Variants in HMBOX1 observed in about 807,000 individuals in gnomAD.
The protein encoded by HMBOX1 is homeobox containing 1, also known as homeobox-containing protein 1.
In HMBOX1, 14 loss-of-function variants were observed where a neutral mutation model predicts 54.5. The ratio of observed to expected loss-of-function variants is 0.26; its 90% CI spans 0.17 to 0.40. The LOEUF (loss-of-function observed/expected upper bound fraction) is 0.40, where lower values mean the gene tolerates loss of function less well. Among genes scored for constraint, HMBOX1 ranks in the 10% least tolerant of loss-of-function variants. HMBOX1 has a pLI of 1.00. For synonymous variants in HMBOX1, 160 were observed against 181.0 expected, an observed-to-expected ratio of 0.88 and a Z score of 0.93; for missense variants, 332 against 514.4, an observed-to-expected ratio of 0.65 and a Z score of 3.43.
intron 4 of HMBOX1, among the ~76,000 whole-genome samples, chr8:29,000,158 A>T (rs1832425963): frequency 6.6e-6 from 1 of 152,220 alleles, no homozygotes; most frequent in Non-Finnish European, 1.5e-5. Context: ...TCAGCTAATT[A>T]TTAGGTAAAA....
Position 29,018,893 on chromosome 8 carries a change from G to A in HMBOX1, c.831G>A (p.Glu277=). 6.2e-7 allele frequency: 1 copy of A among 1,614,142 alleles called. No individual in the cohort carries two copies. ...GGAGTCGATTTACCTGGAGAAAGGA[G>A]TGCCTGGCTGTTATGGAAAGGTATG... is the stretch of plus-strand genomic sequence containing the variant. ...RRGSRFTWRK[E]CLAVMESYFN... is the part of the protein sequence containing the mutation. Residue 277 remains glutamate (E), a synonymous_variant, in exon 6 of 10, where the codon GAG becomes GAA. Transcript: ENST00000287701.
intron 5 of HMBOX1, among the ~76,000 whole-genome samples, chr8:29,011,180 TAAA>T (rs1834175147): frequency 6.6e-6 from 1 of 152,224 alleles, no homozygotes; most frequent in Non-Finnish European, 1.5e-5. Context: ...GGTTTTCACT[TAAA>T]AAATTCTTTC....
chr8:28,917,910 G>T (rs537496136), intron 1 of HMBOX1, among the ~76,000 whole-genome samples: 2 of 152,132 alleles, frequency 1.3e-5, no homozygotes, highest in East Asian at 3.9e-4. Flanking sequence ...CTACAGTTTT[G>T]TTGAGGATTT....
chr8:29,016,149 A>AT (rs1834962392), intron 5 of HMBOX1, among the ~76,000 whole-genome samples: 1 of 152,254 alleles, frequency 6.6e-6, no homozygotes, highest in African/African-American at 2.4e-5. Flanking sequence ...AGACTGACAA[A>AT]TTTGACTGTA....
chr8:28,946,461 T>C (rs951046907), intron 1 of HMBOX1, among the ~76,000 whole-genome samples: 1 of 151,838 alleles, frequency 6.6e-6, no homozygotes. Flanking sequence ...TCCCAGCTAC[T>C]TGGGAGCTTG....
intron 7 of HMBOX1, chr8:29,046,431 T>C (rs1563643915): frequency 6.6e-6 from 1 of 152,210 alleles, no homozygotes; most frequent in African/African-American, 2.4e-5. Context: ...GGAGGAAATG[T>C]TACAGGGGGG....
chr8:28,998,386 C>G (rs1832165257), intron 4 of HMBOX1, among the ~76,000 whole-genome samples: 1 of 151,840 alleles, frequency 6.6e-6, no homozygotes, highest in Non-Finnish European at 1.5e-5. Context: ...TTAATTGAGC[C>G]TTTTATTATG....
intron 1 of HMBOX1, among the ~76,000 whole-genome samples, chr8:28,903,649 T>C (rs1813681431): frequency 1.3e-5 from 2 of 152,226 alleles, no homozygotes; most frequent in Admixed American, 1.3e-4. Context: ...GGTGAAGAAT[T>C]ATTTTTTGTC....
chr8:28,910,364 C>G lies in HMBOX1; in HGVS notation c.-58+19686C>G, dbSNP rs556270451. Among the ~76,000 whole-genome samples, 15 of 152,220 alleles carry G rather than the reference C, an allele frequency of 9.9e-5. No homozygotes were observed. In the South Asian group the frequency reaches 3.1e-3, roughly 32 times the overall value. ...AGATTGGAGGATATTTTTAAAAATGCTTTTATGACATTTGCATGCAACTTT... is the reference window on the plus strand; with the variant it reads ...AGATTGGAGGATATTTTTAAAAATGGTTTTATGACATTTGCATGCAACTTT... On this transcript the variant is annotated intron_variant, in intron 1 of 9. Transcript: ENST00000287701.
chr8:28,972,614 G>T (rs930148336), intron 3 of HMBOX1, among the ~76,000 whole-genome samples: 1 of 152,104 alleles, frequency 6.6e-6, no homozygotes, highest in African/African-American at 2.4e-5. Context: ...TGCCAACCTG[G>T]TTTTTTCGGT....
intron 1 of HMBOX1, among the ~76,000 whole-genome samples, chr8:28,960,719 G>GTA (rs1411728670): frequency 8.8e-6 from 1 of 113,518 alleles, no homozygotes; most frequent in African/African-American, 3.4e-5. Flanking sequence ...GTCATAAACT[G>GTA]TATATTTTAT....
intron 6 of HMBOX1, among the ~76,000 whole-genome samples, chr8:29,021,859 CAAAA>C (rs36163977): frequency 9.7e-6 from 1 of 103,046 alleles, no homozygotes. Flanking sequence ...GACTCCGTCT[CAAAA>C]AAAAAAAAAA....
At chr8:29,024,684 A>C (rs1801745121) in intron 6 of HMBOX1, among the ~76,000 whole-genome samples, 1 of 152,216 alleles carries the variant, frequency 6.6e-6, no homozygotes, top group African/African-American at 2.4e-5. Flanking sequence ...TGATAATTAT[A>C]CGAAATTATT....
chr8:28,966,012 A>T lies in HMBOX1; in HGVS notation c.23+2122A>T, dbSNP rs557600495. 1.1e-3 allele frequency among the ~76,000 whole-genome samples: 166 copies of T among 152,254 alleles called. 2 individuals carry two copies. Among genetic ancestry groups the T allele is most frequent in the African/African-American group, 3.8e-3 (159 of 41,550 alleles). Reference sequence around the variant, plus strand: ...AATAAAAATAAAGACAGCAGAATTGAGCTGAAGAAAAAGCTGTTATCCAAT... The same window carrying T: ...AATAAAAATAAAGACAGCAGAATTGTGCTGAAGAAAAAGCTGTTATCCAAT... On this transcript the variant is annotated intron_variant, in intron 2 of 9. Coordinates refer to ENST00000287701, the MANE Select transcript of HMBOX1 (RefSeq NM_001135726.3).
At chr8:28,950,775 G>C (rs1823268295) in intron 1 of HMBOX1, among the ~76,000 whole-genome samples, 1 of 152,164 alleles carries the variant, frequency 6.6e-6, no homozygotes, top group Non-Finnish European at 1.5e-5. Flanking sequence ...TAGTTCAACA[G>C]AGTTTACCAG....
chr8:28,943,093 G>T (rs1469568322), intron 1 of HMBOX1, among the ~76,000 whole-genome samples: 1 of 152,168 alleles, frequency 6.6e-6, no homozygotes. Context: ...TGAATAAGTA[G>T]ACCAGGTATA....
chr8:29,030,915 A>G (rs1005668832), intron 6 of HMBOX1, among the ~76,000 whole-genome samples: 3 of 152,192 alleles, frequency 2.0e-5, no homozygotes, highest in South Asian at 4.1e-4. Context: ...GAAATGAAAT[A>G]TCTTGAGGTT....
At position 28,970,980 on chromosome 8, in the gene HMBOX1, TGACACACACA is replaced by T. The variant is rs1048251836; in HGVS notation, c.500+462_500+471del. On this transcript the variant is annotated intron_variant, in intron 3 of 9. Coordinates refer to ENST00000287701, the MANE Select transcript of HMBOX1 (RefSeq NM_001135726.3). The surrounding 1 kb of genome is among the most constrained non-coding windows in gnomAD (Gnocchi z 4.3). ...TATAGGTTCTAATTTTAGCAATAGA[TGACACACACA>T]CACACACACACACACACACACACAC... is the stretch of plus-strand genomic sequence containing the variant. Among the ~76,000 whole-genome samples, 10 of 92,384 alleles carry T rather than the reference TGACACACACA, an allele frequency of 1.1e-4. No individual in the cohort carries two copies. The highest frequency in any genetic ancestry group is 2.1e-4 in the Non-Finnish European group (10 of 47,578). The allele number at this position is 92,384 out of a possible 152,430, so 60.6% of individuals were successfully genotyped here.
intron 1 of HMBOX1, chr8:28,891,898 C>T (rs1811072214): frequency 6.6e-6 from 1 of 152,132 alleles, no homozygotes; most frequent in Non-Finnish European, 1.5e-5. Context: ...AAAAAATCAC[C>T]CATGTATCAT....
Sources: gnomAD v4.1 joint callset for allele counts (sites outside exome capture counted in the v4.1 genomes callset) on GRCh38, gnomAD v4.1.1 for gene constraint, Gnocchi (gnomAD v3.1) non-coding constraint, MANE v1.5 for transcripts, NCBI Gene and HGNC (gene_info 2026-07-23, HGNC 2026-07-21) for gene names.